Variants in NFATC1 observed in about 807,000 individuals in gnomAD.
NFATC1 encodes the protein nuclear factor of activated T cells 1.
Under a neutral mutation model 76.0 loss-of-function variants are expected in NFATC1, and 22 were observed. The ratio of observed to expected loss-of-function variants is 0.29; its 90% CI spans 0.21 to 0.41. NFATC1 has a LOEUF of 0.41. NFATC1 is among the 10% of genes least tolerant of loss of function. The pLI is 1.00. For synonymous variants in NFATC1, 704 were observed against 613.1 expected, an observed-to-expected ratio of 1.15 and a Z score of -2.19; for missense variants, 1,357 against 1,337.7, an observed-to-expected ratio of 1.01 and a Z score of -0.23.
intron 6 of NFATC1, among the ~76,000 whole-genome samples, chr18:79,460,688 T>C (rs1307498405): frequency 6.6e-6 from 1 of 152,204 alleles, no homozygotes; most frequent in African/African-American, 2.4e-5. Context: ...ACCCAGTGGT[T>C]CCTTTGCACA....
chr18:79,453,539 C>T (rs2087563197), intron 6 of NFATC1, among the ~76,000 whole-genome samples: 1 of 152,230 alleles, frequency 6.6e-6, no homozygotes, highest in Non-Finnish European at 1.5e-5. Flanking sequence ...GGTCAGCAGG[C>T]CGGAGGGGTA....
At chr18:79,446,680 C>A (rs533974539) in intron 3 of NFATC1, among the ~76,000 whole-genome samples, 29 of 152,238 alleles carry the variant, frequency 1.9e-4, no homozygotes, top group African/African-American at 7.0e-4. Context: ...TGTGTGGAGA[C>A]ACTCATGTAT....
chr18:79,454,995 C>T (rs11659753), intron 6 of NFATC1, among the ~76,000 whole-genome samples: 23,366 of 152,106 alleles, frequency 0.15, 2,032 homozygotes, highest in East Asian at 0.35. Context: ...GACACACTAA[C>T]GTTCAACATA....
chr18:79,438,390 C>T (rs1311558037), intron 3 of NFATC1, among the ~76,000 whole-genome samples: 4 of 152,206 alleles, frequency 2.6e-5, no homozygotes, highest in Middle Eastern at 3.2e-3. Context: ...CCTCGGCCTC[C>T]ACCTCCATGG....
At chr18:79,398,781 T>C (rs943620929) in intron 1 of NFATC1, among the ~76,000 whole-genome samples, 2 of 152,230 alleles carry the variant, frequency 1.3e-5, no homozygotes, top group Non-Finnish European at 2.9e-5. Flanking sequence ...TTAAAAACAA[T>C]GTACAGGCCG....
chr18:79,399,193 C>T (rs1383835904), intron 1 of NFATC1, among the ~76,000 whole-genome samples: 1 of 152,284 alleles, frequency 6.6e-6, no homozygotes, highest in African/African-American at 2.4e-5. Flanking sequence ...GCTCCAACAT[C>T]CATCCCAAAG....
At chr18:79,400,732 C>T (rs1401241106) in intron 1 of NFATC1, among the ~76,000 whole-genome samples, 3 of 150,406 alleles carry the variant, frequency 2.0e-5, no homozygotes, top group Non-Finnish European at 4.4e-5. Context: ...TGGTCCCGGA[C>T]AGAGGGCTGG....
rs768026630 is a variant in NFATC1 at position 79,410,435 on chromosome 18, CCCGCCCTGCCGCTCCCCACGGCGCACT to C, written c.163_189del (p.Ala55_Ser63del). 6.2e-7 allele frequency: 1 copy of C among 1,611,636 alleles called. No homozygotes were observed. Among genetic ancestry groups the C allele is most frequent in the African/African-American group, 1.3e-5 (1 of 74,906 alleles). Reference sequence around the variant, plus strand: ...TGGCTATGCATCCTCCAACGTCAGCCCCGCCCTGCCGCTCCCCACGGCGCACTCCACCCTGCCGGCCCCGTGCCACAA... The same window carrying C: ...TGGCTATGCATCCTCCAACGTCAGCCCCACCCTGCCGGCCCCGTGCCACAA... On this transcript the variant is annotated inframe_deletion, in exon 2 of 10. Coordinates refer to ENST00000427363, the MANE Select transcript of NFATC1 (RefSeq NM_001278669.2). This position sits in a 1 kb window ranked among gnomAD's most constrained non-coding sequence, Gnocchi z 6.7.
intron 3 of NFATC1, 142 bp downstream of exon 3, chr18:79,433,880 A>G (rs747186785): frequency 3.2e-6 from 3 of 946,870 alleles, no homozygotes; most frequent in Non-Finnish European, 4.5e-6. Context: ...GCGGCTGCTC[A>G]CCGCCTCTGA....
At chr18:79,507,082 C>T (rs1274406053) in intron 9 of NFATC1, among the ~76,000 whole-genome samples, 3 of 152,198 alleles carry the variant, frequency 2.0e-5, no homozygotes, top group Non-Finnish European at 1.5e-5. Context: ...TGTTCCGAAA[C>T]GGAGCTGATG....
chr18:79,502,088 C>G (rs573367883), intron 9 of NFATC1, among the ~76,000 whole-genome samples: 76 of 152,348 alleles, frequency 5.0e-4, no homozygotes, highest in South Asian at 2.5e-3. Context: ...GGAGGAGTTA[C>G]ACTTCGCAAT....
Position 79,450,968 on chromosome 18 carries a change from G to C in NFATC1, c.1604G>C (p.Gly535Ala). Reference protein sequence around the residue: ...NSMRAVIDCAGILKLRNSDIE... With the variant: ...NSMRAVIDCAAILKLRNSDIE... ...GTTTTGGGCAGCATTGACTGTGCCG[G>C]AATCCTGAAACTCAGAAACTCCGAC... Residue 535 changes from glycine (G) to alanine (A), a missense_variant, in exon 5 of 10, where the codon GGA (glycine) becomes GCA (alanine). Physicochemically the swap from Gly to Ala is moderately conservative, Grantham distance 60. This residue lies in a region of NFATC1 where 242 missense variants were observed against 329.2 expected (regional missense o/e 0.74). Coordinates refer to ENST00000427363, the MANE Select transcript of NFATC1 (RefSeq NM_001278669.2). 6.2e-7 allele frequency: 1 copy of C among 1,613,636 alleles called. No homozygotes were observed. Among genetic ancestry groups the C allele is most frequent in the Non-Finnish European group, 8.5e-7 (1 of 1,179,866 alleles).
intron 8 of NFATC1, among the ~76,000 whole-genome samples, chr18:79,483,521 A>C (rs1600881143): frequency 1.0e-5 from 1 of 98,826 alleles, no homozygotes; most frequent in Non-Finnish European, 1.9e-5. Context: ...CTCCGGCGTG[A>C]CCTGGTCCTG....
chr18:79,489,077 A>C (rs1222669494), intron 9 of NFATC1, among the ~76,000 whole-genome samples: 1 of 152,194 alleles, frequency 6.6e-6, no homozygotes, highest in Non-Finnish European at 1.5e-5. Flanking sequence ...CCAGCCCGTT[A>C]CTGCCAAAGC....
intron 1 of NFATC1, chr18:79,402,220 A>G (rs540473428): frequency 2.0e-6 from 1 of 510,090 alleles, no homozygotes; most frequent in Non-Finnish European, 2.5e-6. Flanking sequence ...GGGAAGACGC[A>G]CAGGAGGCCA....
rs1300951163 is a variant in NFATC1, at chr18:79,520,576, T to G, written c.2783-6952T>G. The stretch of plus-strand genomic sequence containing the variant: ...CACCACTAATGTGTGTCCGTGTGTG[T>G]GGGGGCATCCGCTGATGTGTGTGTC... On this transcript the variant is annotated intron_variant, in intron 9 of 9. Coordinates refer to ENST00000427363, the MANE Select transcript of NFATC1 (RefSeq NM_001278669.2). Among the ~76,000 whole-genome samples, 119 of 108,242 alleles carry G rather than the reference T, an allele frequency of 1.1e-3. 2 individuals carry two copies. Among genetic ancestry groups the G allele is most frequent in the African/African-American group, 3.7e-3 (99 of 26,986 alleles). 71.0% of individuals were successfully genotyped at this position (108,242 alleles called of 152,430 possible).
intron 6 of NFATC1, among the ~76,000 whole-genome samples, chr18:79,459,121 T>A (rs2087912263): frequency 6.6e-6 from 1 of 152,126 alleles, no homozygotes; most frequent in African/African-American, 2.4e-5. Flanking sequence ...TCCCCGCACT[T>A]TTAGGGGAAG....
At chr18:79,397,053 CA>C (rs1352601315) in intron 1 of NFATC1, among the ~76,000 whole-genome samples, 1 of 152,194 alleles carries the variant, frequency 6.6e-6, no homozygotes, top group African/African-American at 2.4e-5. Context: ...AAAAAGATGG[CA>C]CAGTGTGGGT....
chr18:79,424,007 C>A (rs958327066), intron 2 of NFATC1, among the ~76,000 whole-genome samples: 1 of 152,154 alleles, frequency 6.6e-6, no homozygotes, highest in Non-Finnish European at 1.5e-5. Flanking sequence ...TAAGGTTGCC[C>A]GGGCCGCCGA....
Sources: allele counts gnomAD v4.1 joint callset (sites outside exome capture counted in the v4.1 genomes callset), GRCh38; gene constraint gnomAD v4.1.1; regional missense constraint gnomAD v4.1.1; non-coding constraint Gnocchi (gnomAD v3.1); transcripts MANE v1.5; gene names NCBI Gene and HGNC (gene_info 2026-07-23, HGNC 2026-07-21).